The following SNX31 variants were observed in gnomAD, a reference collection of about 807,000 sequenced individuals.
The protein encoded by SNX31 is sorting nexin 31.
Under a neutral mutation model 65.4 loss-of-function variants are expected in SNX31, and 58 were observed. The ratio of observed to expected loss-of-function variants is 0.89; its 90% confidence interval spans 0.72 to 1.10. The LOEUF (loss-of-function observed/expected upper bound fraction) is 1.10, where lower values mean the gene tolerates loss of function less well. SNX31 is among the 50% of genes least tolerant of loss of function. The pLI is 0.00. For synonymous variants in SNX31, 181 were observed against 190.1 expected (o/e 0.95, Z 0.39); for missense variants, 523 against 529.7 (o/e 0.99, Z 0.12).
rs917166194 is a variant in SNX31, at chr8:100,594,675, T to C, written c.978+1964A>G. On this transcript the variant is annotated intron_variant, in intron 10 of 13. Coordinates refer to ENST00000311812, the MANE Select transcript of SNX31 (RefSeq NM_152628.4). The surrounding 1 kb of genome is among the most constrained non-coding windows in gnomAD (Gnocchi z 4.0). The stretch of plus-strand genomic sequence containing the variant: ...TGCTGGTGAGAATGCAGAAAACTGG[T>C]TCACTCACACATTGCTGGTGGGAAT... Among the ~76,000 whole-genome samples the C allele has an allele frequency of 3.9e-5, 6 of 152,216 alleles. No homozygotes were observed. The highest frequency in any genetic ancestry group is 9.6e-5 in the African/African-American group (4 of 41,460).
chr8:100,596,817 C>A lies in SNX31; in HGVS notation c.800G>T (p.Arg267Leu). The A allele has an allele frequency of 1.2e-6, 2 of 1,608,436 alleles. No individual in the cohort carries two copies. Among genetic ancestry groups the A allele is most frequent in the Non-Finnish European group, 1.7e-6 (2 of 1,179,960 alleles). ...ATCCAGCTGCAGGTATCCATAGTGC[C>A]GTACCTCCCGGGCCAGCTCCAAAAA... is the stretch of plus-strand genomic sequence containing the variant. Reference protein sequence around the residue: ...TKFLELAREVRHYGYLQLDPC... With the variant: ...TKFLELAREVLHYGYLQLDPC... The change falls in exon 10 of 14, where the codon CGG becomes CTG. Residue 267 changes from arginine (R) to leucine (L), a missense_variant. By Grantham distance (102) the Arg-to-Leu change is moderately radical (BLOSUM62 -2). Coordinates refer to ENST00000311812, the MANE Select transcript of SNX31 (RefSeq NM_152628.4).
chr8:100,608,947 G>A (rs954580822), intron 7 of SNX31, among the ~76,000 whole-genome samples: 4 of 152,034 alleles, frequency 2.6e-5, no homozygotes, highest in Non-Finnish European at 4.4e-5. Context: ...CCTGCAGCAG[G>A]GCCACCCTCA....
Position 100,594,019 on chromosome 8 carries a change from T to C in SNX31, c.978+2620A>G, listed in dbSNP as rs996411816. Among the ~76,000 whole-genome samples, 5 of 151,656 alleles carry C rather than the reference T, an allele frequency of 3.3e-5. No individual in the cohort carries two copies. Among genetic ancestry groups the C allele is most frequent in the Admixed American group, 2.0e-4 (3 of 15,212 alleles). ...TTTAAGAGGATGAAAAACTATAGAG[T>C]GGGCCAGGTGTGGTGGCTCACACCT... On this transcript the variant is annotated intron_variant, in intron 10 of 13. Coordinates refer to ENST00000311812, the MANE Select transcript of SNX31 (RefSeq NM_152628.4). The surrounding 1 kb of genome is among the most constrained non-coding windows in gnomAD (Gnocchi z 4.0).
Position 100,617,720 on chromosome 8 carries a change from T to A in SNX31, c.332A>T (p.Asp111Val). Residue 111 changes from aspartate to valine, a missense_variant, in exon 5 of 14, where the codon GAC becomes GTC. Physicochemically the swap from Asp to Val is radical, Grantham distance 152 (BLOSUM62 -3). Transcript: ENST00000311812. The stretch of plus-strand genomic sequence containing the variant: ...CAGATAAGCTTTCTTGGTGGCGATG[T>A]CAAATGTATTCTATAAGCAAAAGAA... The part of the protein sequence containing the change: ...FLKLAQLNTF[D>V]IATKKAYLDI... 6.2e-7 allele frequency: 1 copy of A among 1,610,332 alleles called. No homozygotes were observed. Among genetic ancestry groups the A allele is most frequent in the Non-Finnish European group, 8.5e-7 (1 of 1,178,506 alleles).
chr8:100,624,127 C>T (rs1046505842), intron 4 of SNX31, among the ~76,000 whole-genome samples: 8 of 151,992 alleles, frequency 5.3e-5, no homozygotes, highest in Non-Finnish European at 1.0e-4. Flanking sequence ...TCCTCACATC[C>T]ATCACAGTCA....
At chr8:100,592,959 T>C (rs981910253) in intron 10 of SNX31, among the ~76,000 whole-genome samples, 2 of 152,178 alleles carry the variant, frequency 1.3e-5, no homozygotes, top group Non-Finnish European at 2.9e-5. Context: ...TGTCCATTAA[T>C]ATAAATTATC....
rs1389195950 is a variant in SNX31, at chr8:100,577,035, T to C, written c.1211A>G (p.His404Arg). The change falls in exon 13 of 14, where the codon CAC (histidine) becomes CGC (arginine). Residue 404 changes from histidine (H) to arginine (R), a missense_variant. His to Arg is a conservative substitution (Grantham distance 29). Transcript: ENST00000311812. ...VPEQSKSKKY[H>R]IQQSQQKDYS... is the part of the protein sequence containing the mutation. ...CTCACAGACCTGGCTTTGTTGAATG[T>C]GGTATTTTTTACTTTTGCTTTGTTC... 4.3e-6 allele frequency: 7 copies of C among 1,613,444 alleles called. No individual in the cohort carries two copies. Among genetic ancestry groups the C allele is most frequent in the South Asian group, 1.1e-5 (1 of 91,000 alleles).
chr8:100,612,223 C>T lies in SNX31; in HGVS notation c.524-136G>A, dbSNP rs75138633. 12,337 of 587,498 alleles carry T rather than the reference C, an allele frequency of 0.021. 358 individuals are homozygous for T. Among genetic ancestry groups the T allele is most frequent in the African/African-American group, 0.097 (5,126 of 53,066 alleles). 36.4% of individuals were successfully genotyped at this position (587,498 alleles called of 1,614,324 possible). On this transcript the variant is annotated intron_variant, in intron 6 of 13. Transcript: ENST00000311812. This position sits in a 1 kb window ranked among gnomAD's most constrained non-coding sequence, Gnocchi z 4.3. ...AGTAAGAATATCCTCTGTATTTACA[C>T]GTAATTTTAACTTTCTGAAGTTCAT...
intron 8 of SNX31, among the ~76,000 whole-genome samples, chr8:100,603,745 CTT>C (rs767771084): frequency 2.4e-5 from 3 of 127,284 alleles, no homozygotes. Context: ...CACACCCGGC[CTT>C]TTTTTTTTTT....
chr8:100,650,611 C>T (rs750949523), upstream of SNX31, among the ~76,000 whole-genome samples: 6 of 152,162 alleles, frequency 3.9e-5, no homozygotes, highest in Admixed American at 6.5e-5. Flanking sequence ...GTGCCTCCTG[C>T]GTGCTTGCTG....
chr8:100,605,906 C>A (rs764144628), intron 8 of SNX31, among the ~76,000 whole-genome samples: 1 of 152,154 alleles, frequency 6.6e-6, no homozygotes, highest in African/African-American at 2.4e-5. Context: ...CAATCTCATC[C>A]AAGGTCATGG....
At chr8:100,646,866 G>T (rs1258499392) in intron 2 of SNX31, among the ~76,000 whole-genome samples, 2 of 152,082 alleles carry the variant, frequency 1.3e-5, no homozygotes, top group Non-Finnish European at 2.9e-5. Context: ...TTTTATCAAC[G>T]TTAGAAAGAA....
At chr8:100,640,632 A>G (rs1442899967) in intron 2 of SNX31, among the ~76,000 whole-genome samples, 1 of 152,224 alleles carries the variant, frequency 6.6e-6, no homozygotes, top group East Asian at 1.9e-4. Context: ...AGATGATAGT[A>G]GGTACTCTTG....
intron 1 of SNX31, among the ~76,000 whole-genome samples, chr8:100,656,662 A>C (rs895960178): frequency 1.3e-5 from 2 of 151,716 alleles, no homozygotes; most frequent in Admixed American, 1.3e-4. Flanking sequence ...AAAAAAAAAA[A>C]AAAACCTTTA....
At chr8:100,628,511 G>A (rs1174722038) in intron 4 of SNX31, among the ~76,000 whole-genome samples, 6 of 147,780 alleles carry the variant, frequency 4.1e-5, no homozygotes, top group Non-Finnish European at 3.0e-5. Context: ...AACACCGCAT[G>A]TTCTCACTCA....
intron 2 of SNX31, among the ~76,000 whole-genome samples, chr8:100,636,391 G>A (rs1344965073): frequency 3.9e-5 from 6 of 152,208 alleles, no homozygotes; most frequent in East Asian, 1.9e-4. Flanking sequence ...CAGCCCTACC[G>A]CCACCAAATC....
intron 9 of SNX31, among the ~76,000 whole-genome samples, chr8:100,599,448 C>CTT (rs568047251): frequency 1.4e-5 from 2 of 141,646 alleles, no homozygotes; most frequent in Non-Finnish European, 1.6e-5. Context: ...AAACTGAACT[C>CTT]TTTTTTTTTT....
intron 12 of SNX31, among the ~76,000 whole-genome samples, chr8:100,579,082 G>A (rs1004543692): frequency 1.3e-5 from 2 of 152,062 alleles, no homozygotes; most frequent in South Asian, 4.1e-4. Context: ...ACACTCTGAT[G>A]TCTTATGTGT....
chr8:100,624,323 T>C (rs1380383792), intron 4 of SNX31, among the ~76,000 whole-genome samples: 1 of 152,186 alleles, frequency 6.6e-6, no homozygotes, highest in East Asian at 1.9e-4. Context: ...CATATATGTA[T>C]ATAATTAACC....
Sources: allele counts gnomAD v4.1 joint callset (sites outside exome capture counted in the v4.1 genomes callset), GRCh38; gene constraint gnomAD v4.1.1; non-coding constraint Gnocchi (gnomAD v3.1); transcripts MANE v1.5; gene names NCBI Gene and HGNC (gene_info 2026-07-23, HGNC 2026-07-21).